COL14A1: variants seen among roughly 807,000 people sequenced by gnomAD.
COL14A1 encodes the protein collagen alpha-1(XIV) chain.
Under a neutral mutation model 230.3 loss-of-function variants are expected in COL14A1, and 136 were observed. The observed-to-expected ratio is 0.59, with a 90% CI of 0.51 to 0.68. The LOEUF is 0.68. Among genes scored for constraint, COL14A1 ranks in the 30% least tolerant of loss-of-function variants. The probability of loss-of-function intolerance (pLI) is 0.00; values close to 1 mark genes in which losing one functional copy is unlikely to be tolerated. For missense variants in COL14A1, 1,976 were observed against 2,215.8 expected (o/e 0.89, Z 2.17); for synonymous variants, 792 against 784.1 (o/e 1.01, Z -0.17).
chr8:120,249,151 C>T (rs1586803014), intron 21 of COL14A1, among the ~76,000 whole-genome samples: 1 of 149,826 alleles, frequency 6.7e-6, no homozygotes, highest in Admixed American at 6.7e-5. Context: ...ATCTCCTGAC[C>T]TCGTGATCCA....
intron 7 of COL14A1, among the ~76,000 whole-genome samples, chr8:120,198,411 C>A (rs1288654842): frequency 6.6e-6 from 1 of 152,068 alleles, no homozygotes; most frequent in Non-Finnish European, 1.5e-5. Context: ...ATCTTTGGCT[C>A]ACAGTATTTT....
intron 40 of COL14A1, among the ~76,000 whole-genome samples, chr8:120,319,203 C>A (rs1821345900): frequency 6.6e-6 from 1 of 152,106 alleles, no homozygotes; most frequent in Non-Finnish European, 1.5e-5. Flanking sequence ...GTGGCCCAGG[C>A]TGGAGTACAG....
At chr8:120,216,146 T>C (rs541769304) in intron 13 of COL14A1, among the ~76,000 whole-genome samples, 6 of 152,356 alleles carry the variant, frequency 3.9e-5, no homozygotes, top group Admixed American at 2.6e-4. Flanking sequence ...CTGCTATTTA[T>C]TCTCTACAAA....
chr8:120,183,170 T>A (rs1010681377), intron 5 of COL14A1, among the ~76,000 whole-genome samples: 1 of 151,882 alleles, frequency 6.6e-6, no homozygotes, highest in African/African-American at 2.4e-5. Flanking sequence ...AAAAATTGAG[T>A]CAAAAGTTTC....
intron 23 of COL14A1, among the ~76,000 whole-genome samples, chr8:120,262,196 G>A (rs901189119): frequency 1.3e-5 from 2 of 152,124 alleles, no homozygotes; most frequent in African/African-American, 4.8e-5. Context: ...AAATAGGCCA[G>A]GCATGGTATC....
chr8:120,366,802 G>A lies in COL14A1; in HGVS notation c.5078-369G>A, dbSNP rs183286352. 3.1e-3 allele frequency among the ~76,000 whole-genome samples: 465 copies of A among 152,266 alleles called. 3 individuals are homozygous for A. The highest frequency in any genetic ancestry group is 0.011 in the African/African-American group (441 of 41,564). ...GTGGACCAAAAGGAAAATGTTAGAC[G>A]TGTTCACTTGTGATTTCTATTGTGT... is the stretch of plus-strand genomic sequence containing the variant. On this transcript the variant is annotated intron_variant, in intron 45 of 47. Coordinates refer to ENST00000297848, the MANE Select transcript of COL14A1 (RefSeq NM_021110.4).
At chr8:120,277,570 C>G (rs148630917) in intron 26 of COL14A1, 1 of 152,072 alleles carries the variant, frequency 6.6e-6, no homozygotes, top group Non-Finnish European at 1.5e-5. Context: ...AGAAATACTA[C>G]GCAGCCATAA....
At chr8:120,222,635 C>T (rs970544482) in intron 14 of COL14A1, among the ~76,000 whole-genome samples, 2 of 152,184 alleles carry the variant, frequency 1.3e-5, no homozygotes, top group African/African-American at 2.4e-5. Context: ...TTTTGACCTA[C>T]AGACGTGTAG....
intron 34 of COL14A1, among the ~76,000 whole-genome samples, chr8:120,294,476 T>C (rs1820464881): frequency 2.0e-5 from 3 of 151,124 alleles, no homozygotes; most frequent in Admixed American, 6.6e-5. Context: ...TTTATAATTT[T>C]CAGTGAGTTA....
chr8:120,309,687 A>G (rs986616392), intron 36 of COL14A1, among the ~76,000 whole-genome samples: 2 of 152,176 alleles, frequency 1.3e-5, no homozygotes, highest in African/African-American at 4.8e-5. Context: ...TTTATAACAT[A>G]TATAATTTTG....
intron 42 of COL14A1, among the ~76,000 whole-genome samples, chr8:120,334,077 A>G (rs1018687040): frequency 3.3e-5 from 5 of 152,232 alleles, no homozygotes; most frequent in African/African-American, 7.2e-5. Flanking sequence ...TCTGCCTACC[A>G]TAGTAAACAA....
intron 20 of COL14A1, among the ~76,000 whole-genome samples, chr8:120,245,736 G>T (rs936306414): frequency 7.2e-5 from 11 of 152,108 alleles, no homozygotes; most frequent in Non-Finnish European, 1.0e-4. Flanking sequence ...ATCTTGGTGG[G>T]GGTGGCAAGC....
Position 120,373,470 on chromosome 8 carries a change from G to A in COL14A1, c.*2239G>A, listed in dbSNP as rs988262633. On this transcript the variant is annotated 3_prime_UTR_variant, in exon 48 of 48. Coordinates refer to ENST00000297848, the MANE Select transcript of COL14A1 (RefSeq NM_021110.4). ...CTGTAATAAAAGCTGATTCTGAAGT[G>A]CATTTTTCTTGACTTACTTTGGCAG... Among the ~76,000 whole-genome samples the A allele has an allele frequency of 2.6e-5, 4 of 152,056 alleles. No individual in the cohort carries two copies. Among genetic ancestry groups the A allele is most frequent in the Non-Finnish European group, 4.4e-5 (3 of 67,994 alleles).
chr8:120,185,806 CTT>C (rs1391488672), intron 5 of COL14A1, among the ~76,000 whole-genome samples: 3 of 152,088 alleles, frequency 2.0e-5, no homozygotes, highest in Non-Finnish European at 4.4e-5. Flanking sequence ...GAGTTTTGCT[CTT>C]GTTGCCCAGG....
chr8:120,246,296 T>C (rs1257017998), intron 20 of COL14A1, among the ~76,000 whole-genome samples: 2 of 151,974 alleles, frequency 1.3e-5, no homozygotes, highest in African/African-American at 4.8e-5. Context: ...ACCCAGAGTA[T>C]TGTGAGTCCT....
intron 36 of COL14A1, among the ~76,000 whole-genome samples, chr8:120,303,445 T>G (rs1297043981): frequency 1.3e-5 from 2 of 152,356 alleles, no homozygotes; most frequent in Admixed American, 1.3e-4. Flanking sequence ...GTTTTTAACA[T>G]GAAGGATGTT....
chr8:120,282,606 AT>A (rs1820072252), intron 31 of COL14A1, among the ~76,000 whole-genome samples: 1 of 152,164 alleles, frequency 6.6e-6, no homozygotes, highest in Non-Finnish European at 1.5e-5. Context: ...CCAAACTTTC[AT>A]TTTCAAACGC....
At chr8:120,364,363 A>G (rs1385147674) in intron 45 of COL14A1, among the ~76,000 whole-genome samples, 1 of 152,136 alleles carries the variant, frequency 6.6e-6, no homozygotes, top group Non-Finnish European at 1.5e-5. Flanking sequence ...ATCCAGATCT[A>G]TTTTTAGAGA....
chr8:120,222,780 AT>A (rs1245308041), intron 14 of COL14A1, among the ~76,000 whole-genome samples: 2 of 152,044 alleles, frequency 1.3e-5, no homozygotes, highest in Non-Finnish European at 2.9e-5. Context: ...TCAAAAAAAA[AT>A]AATTCAACAT....
Sources: allele counts gnomAD v4.1 joint callset (sites outside exome capture counted in the v4.1 genomes callset), GRCh38; gene constraint gnomAD v4.1.1; transcripts MANE v1.5; gene names NCBI Gene and HGNC (gene_info 2026-07-23, HGNC 2026-07-21).